Variants in POLR3B observed in about 807,000 individuals in gnomAD.
POLR3B encodes RNA polymerase III subunit B, also known as DNA-directed RNA polymerase III subunit RPC2.
POLR3B carries 96 observed loss-of-function variants against 147.4 expected under a neutral mutation model. The ratio of observed to expected loss-of-function variants is 0.65; its 90% CI spans 0.55 to 0.77. The LOEUF is 0.77. Ranked by LOEUF, POLR3B falls within the 30% of genes least tolerant of loss-of-function variation. POLR3B has a pLI of 0.00. For synonymous variants in POLR3B, 461 were observed against 485.9 expected (o/e 0.95, Z 0.67); for missense variants, 1,036 against 1,413.5 (o/e 0.73, Z 4.28).
At chr12:106,374,251 C>A (rs1032458736) in intron 6 of POLR3B, among the ~76,000 whole-genome samples, 2 of 152,150 alleles carry the variant, frequency 1.3e-5, no homozygotes, top group Non-Finnish European at 1.5e-5. Flanking sequence ...GGGTCTCACT[C>A]TGTCACCCAG....
intron 19 of POLR3B, among the ~76,000 whole-genome samples, chr12:106,453,818 C>CT (rs1234393261): frequency 6.6e-6 from 1 of 152,084 alleles, no homozygotes; most frequent in African/African-American, 2.4e-5. Flanking sequence ...GGTGGAAAGA[C>CT]TGATTGCTAA....
chr12:106,391,127 T>C (rs1367877025), intron 9 of POLR3B, among the ~76,000 whole-genome samples: 1 of 152,214 alleles, frequency 6.6e-6, no homozygotes, highest in Non-Finnish European at 1.5e-5. Context: ...CTGGAGAATC[T>C]ACTTCCAGGA....
At chr12:106,435,968 G>T (rs995492559) in intron 16 of POLR3B, among the ~76,000 whole-genome samples, 3 of 152,014 alleles carry the variant, frequency 2.0e-5, no homozygotes, top group Admixed American at 6.6e-5. Context: ...CCTCTCCTCC[G>T]CCGGTTTCTG....
At chr12:106,456,079 T>G (rs2037860120) in intron 20 of POLR3B, among the ~76,000 whole-genome samples, 1 of 152,160 alleles carries the variant, frequency 6.6e-6, no homozygotes, top group South Asian at 2.1e-4. Flanking sequence ...CTTATTTAAG[T>G]GAACTCTGGC....
In POLR3B at chr12:106,366,684, A is replaced by G. The variant is rs942704269; in HGVS notation, c.189A>G (p.Glu63=). Residue 63 remains glutamate, a synonymous_variant, in exon 4 of 28, where the codon GAA becomes GAG. Transcript: ENST00000228347. The part of the protein sequence containing the change: ...VEIKKIMKAN[E]KVTSDADPMW... ...TAAAGAAGATAATGAAAGCCAATGA[A>G]AAGGTTACAAGTGACGCTGACCCTA... 1.2e-6 allele frequency: 2 copies of G among 1,613,964 alleles called. No homozygotes were observed.
chr12:106,387,724 G>A (rs2036859705), intron 9 of POLR3B, among the ~76,000 whole-genome samples: 1 of 152,140 alleles, frequency 6.6e-6, no homozygotes, highest in Admixed American at 6.5e-5. Context: ...ACAGATTTAG[G>A]TTGAATCCCA....
intron 12 of POLR3B, among the ~76,000 whole-genome samples, chr12:106,415,336 A>G (rs1454635506): frequency 6.6e-6 from 1 of 152,194 alleles, no homozygotes; most frequent in Non-Finnish European, 1.5e-5. Flanking sequence ...TTAGGGAATG[A>G]TGTGTCAGCC....
intron 9 of POLR3B, among the ~76,000 whole-genome samples, chr12:106,389,481 A>G (rs1486503715): frequency 6.6e-6 from 1 of 152,316 alleles, no homozygotes; most frequent in South Asian, 2.1e-4. Context: ...CACCACTTAG[A>G]TTCAGCATCA....
intron 10 of POLR3B, among the ~76,000 whole-genome samples, chr12:106,396,246 A>G (rs1305087035): frequency 1.3e-5 from 2 of 152,198 alleles, no homozygotes; most frequent in African/African-American, 4.8e-5. Context: ...ACATTTATTG[A>G]AGACAGCTTA....
At chr12:106,477,737 G>A (rs1279347840) in intron 23 of POLR3B, among the ~76,000 whole-genome samples, 7 of 151,924 alleles carry the variant, frequency 4.6e-5, no homozygotes, top group Admixed American at 2.6e-4. Context: ...CAGGGTACGC[G>A]CACCCACTGG....
intron 11 of POLR3B, among the ~76,000 whole-genome samples, chr12:106,407,054 CA>C (rs1456008128): frequency 3.3e-5 from 5 of 152,186 alleles, no homozygotes; most frequent in African/African-American, 9.6e-5. Flanking sequence ...CCAAATAATA[CA>C]GGTCTCTCAT....
intron 1 of POLR3B, chr12:106,358,176 C>T (rs2036416455): frequency 1.4e-6 from 2 of 1,434,206 alleles, no homozygotes; most frequent in African/African-American, 1.4e-5. Flanking sequence ...CTGCGGGGGC[C>T]GAGAAGCCCC....
intron 19 of POLR3B, among the ~76,000 whole-genome samples, chr12:106,447,074 A>G (rs1327407869): frequency 1.3e-5 from 2 of 152,226 alleles, no homozygotes; most frequent in Non-Finnish European, 2.9e-5. Flanking sequence ...ACTATGAGCC[A>G]TTGCTAAACA....
chr12:106,418,239 T>C (rs922526854), intron 12 of POLR3B, among the ~76,000 whole-genome samples: 11 of 152,358 alleles, frequency 7.2e-5, no homozygotes, highest in Non-Finnish European at 1.2e-4. Context: ...CATTATTTGC[T>C]GAGCATTACT....
chr12:106,437,016 C>T (rs1299365247), intron 16 of POLR3B, 41 bp from the exon 17 acceptor site: 2 of 1,502,206 alleles, frequency 1.3e-6, no homozygotes, highest in Non-Finnish European at 1.9e-6. Flanking sequence ...GTAATTTTTC[C>T]CTGGAACTAT....
chr12:106,447,016 T>C (rs1384512722), intron 19 of POLR3B, among the ~76,000 whole-genome samples: 2 of 152,238 alleles, frequency 1.3e-5, no homozygotes, highest in African/African-American at 4.8e-5. Context: ...TTTAATTCCT[T>C]GCAGTCTTGA....
chr12:106,506,118 G>T (rs968529087), intron 27 of POLR3B, among the ~76,000 whole-genome samples: 6 of 152,140 alleles, frequency 3.9e-5, no homozygotes, highest in African/African-American at 1.4e-4. Flanking sequence ...ATGGGGGTTT[G>T]CTTCAGTCCT....
intron 1 of POLR3B, among the ~76,000 whole-genome samples, chr12:106,362,867 C>T (rs1007181697): frequency 1.3e-5 from 2 of 152,002 alleles, no homozygotes; most frequent in Non-Finnish European, 2.9e-5. Context: ...TATTCAGTTA[C>T]ATTGGTTTTA....
intron 10 of POLR3B, 116 bp downstream of exon 10, chr12:106,393,269 G>A: frequency 1.4e-6 from 2 of 1,401,194 alleles, no homozygotes; most frequent in Middle Eastern, 1.8e-4. Flanking sequence ...GAAAGGTATT[G>A]GGGAGATATG....
Sources: gnomAD v4.1 joint callset for allele counts (sites outside exome capture counted in the v4.1 genomes callset) on GRCh38, gnomAD v4.1.1 for gene constraint, MANE v1.5 for transcripts, NCBI Gene and HGNC (gene_info 2026-07-23, HGNC 2026-07-21) for gene names.